Variants in ZGRF1 observed in about 807,000 individuals in gnomAD.
ZGRF1 encodes zinc finger GRF-type containing 1, also known as 5'-3' DNA helicase ZGRF1.
ZGRF1 carries 196 observed loss-of-function variants against 203.5 expected under a neutral mutation model. That is an observed-to-expected ratio of 0.96 (90% CI 0.86 to 1.08). The LOEUF (loss-of-function observed/expected upper bound fraction) is 1.08, where lower values mean the gene tolerates loss of function less well. Among genes scored for constraint, ZGRF1 ranks in the 50% least tolerant of loss-of-function variants. The pLI, the probability that ZGRF1 is intolerant of heterozygous loss-of-function variation, is 0.00. For missense variants in ZGRF1, 2,326 were observed against 2,416.3 expected, an observed-to-expected ratio of 0.96 and a Z score of 0.78; for synonymous variants, 809 against 841.3, an observed-to-expected ratio of 0.96 and a Z score of 0.66.
chr4:112,623,098 T>C (rs2047116449), intron 4 of ZGRF1, among the ~76,000 whole-genome samples: 1 of 152,208 alleles, frequency 6.6e-6, no homozygotes. Flanking sequence ...TGTGAGAACA[T>C]GTAATATTTG....
intron 13 of ZGRF1, 101 bp from the exon 14 acceptor site, chr4:112,585,826 A>G (rs1282777602): frequency 2.9e-6 from 2 of 694,028 alleles, no homozygotes; most frequent in Middle Eastern, 4.4e-4. Flanking sequence ...GCCTTTAAAC[A>G]GAGTCATATA....
In ZGRF1 at chr4:112,587,577, T is replaced by C. The variant is rs765005930; in HGVS notation, c.3480A>G (p.Pro1160=). 6.2e-7 allele frequency: 1 copy of C among 1,613,930 alleles called. No individual in the cohort carries two copies. Among genetic ancestry groups the C allele is most frequent in the Middle Eastern group, 1.6e-4 (1 of 6,062 alleles). ...CAGTTATTCTCTTATCAACTCTGTT[T>C]GGAGTAGCCACGTTGCATTGGGATG... is the stretch of plus-strand genomic sequence containing the variant. ...QNTSQCNVAT[P]NRVDKRITDG... is the part of the protein sequence containing the mutation. The change falls in exon 12 of 28, where the codon CCA becomes CCG. Residue 1160 remains proline, a synonymous_variant. Coordinates refer to ENST00000505019, the MANE Select transcript of ZGRF1 (RefSeq NM_018392.5).
intron 16 of ZGRF1, chr4:112,565,155 G>T: frequency 6.8e-7 from 1 of 1,467,224 alleles, no homozygotes; most frequent in Non-Finnish European, 9.6e-7. Context: ...GATGTTATCA[G>T]AAGTCCACTG....
intron 7 of ZGRF1, among the ~76,000 whole-genome samples, chr4:112,611,298 G>T (rs1315517767): frequency 6.6e-6 from 1 of 152,216 alleles, no homozygotes; most frequent in Non-Finnish European, 1.5e-5. Context: ...AGCTACTTGG[G>T]AGGCTGGGGC....
At chr4:112,594,017 A>C (rs1748591863) in intron 10 of ZGRF1, among the ~76,000 whole-genome samples, 1 of 152,114 alleles carries the variant, frequency 6.6e-6, no homozygotes, top group Non-Finnish European at 1.5e-5. Context: ...GGCCTCCCTT[A>C]GTGCTAAGAT....
intron 2 of ZGRF1, among the ~76,000 whole-genome samples, chr4:112,632,487 A>G (rs1309990059): frequency 6.6e-6 from 1 of 152,192 alleles, no homozygotes; most frequent in Admixed American, 6.5e-5. Flanking sequence ...AACTATTTTC[A>G]TGATGCTGTC....
rs1306780079 is a variant in ZGRF1 at position 112,631,968 on chromosome 4, G to A, written c.64C>T (p.Gln22Ter). 1 of 1,596,264 alleles carries A rather than the reference G, an allele frequency of 6.3e-7. No homozygotes were observed. Among genetic ancestry groups the A allele is most frequent in the Admixed American group, 1.7e-5 (1 of 58,254 alleles). ...TGAGTGATCTTCAGAATTCCATCTT[G>A]CCACACTTTTGACTTCTTCATCTTT... Reference protein sequence around the residue: ...HQKMKKSKVWQDGILKITHLG... With the variant: ...HQKMKKSKVW Residue 22 changes from glutamine (Q) to a stop codon, truncating the protein, a stop_gained, in exon 3 of 28, where the codon CAA becomes TAA. Coordinates refer to ENST00000505019, the MANE Select transcript of ZGRF1 (RefSeq NM_018392.5). LOFTEE classifies it high-confidence loss of function.
chr4:112,619,391 G>C lies in ZGRF1; in HGVS notation c.651C>G (p.Val217=). 1 of 1,613,200 alleles carries C rather than the reference G, an allele frequency of 6.2e-7. No homozygotes were observed. Among genetic ancestry groups the C allele is most frequent in the Non-Finnish European group, 8.5e-7 (1 of 1,179,462 alleles). ...LCEENYFCSP[V]NSGNKLSDSL... is the part of the protein sequence containing the mutation. Reference sequence around the variant, plus strand: ...AGTCTGAAAGCTTATTTCCAGAATTGACAGGTGAGCAAAAATAATTTTCTT... The same window carrying C: ...AGTCTGAAAGCTTATTTCCAGAATTCACAGGTGAGCAAAAATAATTTTCTT... Residue 217 remains valine (V), a synonymous_variant, in exon 6 of 28, where the codon GTC becomes GTG. Transcript: ENST00000505019.
chr4:112,623,306 T>C (rs1360164643), intron 4 of ZGRF1, among the ~76,000 whole-genome samples: 2 of 152,242 alleles, frequency 1.3e-5, no homozygotes, highest in Non-Finnish European at 2.9e-5. Context: ...TGAATAGTGC[T>C]ACAATGAACA....
At chr4:112,628,538 A>G in intron 3 of ZGRF1, 1 of 454,552 alleles carries the variant, frequency 2.2e-6, no homozygotes, top group South Asian at 1.6e-5. Context: ...GAAAAGGCAT[A>G]ACTAGCAAGA....
At chr4:112,590,860 G>A (rs1040343665) in intron 10 of ZGRF1, among the ~76,000 whole-genome samples, 2 of 150,884 alleles carry the variant, frequency 1.3e-5, no homozygotes, top group Non-Finnish European at 2.9e-5. Context: ...TGGGAGGCGA[G>A]GTTGCAGTGA....
chr4:112,561,911 CTTTTTTTTTTTT>C lies in ZGRF1; in HGVS notation c.4697+448_4697+459del, dbSNP rs11385405. ...AAAAATAATGCATAATTCCTTTTCT[CTTTTTTTTTTTT>C]TTTTTTTTTGAGATAGAGTTTCACT... On this transcript the variant is annotated intron_variant, in intron 18 of 27. Transcript: ENST00000505019. Among the ~76,000 whole-genome samples, 26 of 108,172 alleles carry C rather than the reference CTTTTTTTTTTTT, an allele frequency of 2.4e-4. No homozygotes were observed. In the East Asian group the frequency reaches 7.4e-3, roughly 31 times the overall value. 71.0% of individuals were successfully genotyped at this position (108,172 alleles called of 152,430 possible).
intron 3 of ZGRF1, among the ~76,000 whole-genome samples, chr4:112,625,019 TGTTAA>T (rs1320349030): frequency 6.6e-6 from 1 of 152,116 alleles, no homozygotes; most frequent in Admixed American, 6.5e-5. Context: ...CGGCTCATGG[TGTTAA>T]ACCCAGATAC....
Position 112,633,162 on chromosome 4 carries a change from T to C in ZGRF1, c.15A>G (p.Glu5=), listed in dbSNP as rs139007990. 12 of 1,609,840 alleles carry C rather than the reference T, an allele frequency of 7.5e-6. No homozygotes were observed. In the African/African-American group the frequency reaches 1.6e-4, roughly 22 times the overall value. ...GAAAAATGGTAAAACTTACAATAAA[T>C]TCTTGGCTTTCCATTATTTCTTCTG... MESQ[E]FIVLYTHQKM... The change falls in exon 2 of 28, where the codon GAA becomes GAG. Residue 5 remains glutamate, a synonymous_variant. Coordinates refer to ENST00000505019, the MANE Select transcript of ZGRF1 (RefSeq NM_018392.5).
intron 23 of ZGRF1, 69 bp from the exon 24 acceptor site, chr4:112,547,477 T>C: frequency 7.0e-7 from 1 of 1,427,610 alleles, no homozygotes; most frequent in Non-Finnish European, 9.5e-7. Flanking sequence ...TATTGCACTG[T>C]TTGCCAAAAT....
chr4:112,546,707 T>C (rs530615634), intron 24 of ZGRF1: 1 of 152,236 alleles, frequency 6.6e-6, no homozygotes, highest in Non-Finnish European at 1.5e-5. Flanking sequence ...ATGAATGCCA[T>C]TATCACATGA....
At chr4:112,623,581 C>A (rs1166339078) in intron 4 of ZGRF1, among the ~76,000 whole-genome samples, 3 of 152,082 alleles carry the variant, frequency 2.0e-5, no homozygotes, top group Non-Finnish European at 4.4e-5. Flanking sequence ...AGTTACTTAA[C>A]CTTTCTGCAC....
In ZGRF1 at chr4:112,553,968, G is replaced by A; in HGVS notation, c.5213C>T (p.Ser1738Leu). The change falls in exon 22 of 28, where the codon TCA (serine) becomes TTA (leucine). Residue 1738 changes from serine to leucine, a missense_variant. Transcript: ENST00000505019. The part of the protein sequence containing the change: ...PILPYSLHAG[S>L]ENESEQLKEL... Reference sequence around the variant, plus strand: ...TTTTAACTGTTCACTTTCATTTTCTGAGCCAGCATGCAAGCTAAAGAATTA... The same window carrying A: ...TTTTAACTGTTCACTTTCATTTTCTAAGCCAGCATGCAAGCTAAAGAATTA... 1 of 1,607,562 alleles carries A rather than the reference G, an allele frequency of 6.2e-7. No individual in the cohort carries two copies. Among genetic ancestry groups the A allele is most frequent in the East Asian group, 2.2e-5 (1 of 44,726 alleles).
At chr4:112,570,760 T>C (rs867990744) in intron 16 of ZGRF1, among the ~76,000 whole-genome samples, 45 of 151,818 alleles carry the variant, frequency 3.0e-4, no homozygotes, top group African/African-American at 1.0e-3. Context: ...AAAATCATAA[T>C]GGAAAACTTA....
Sources: allele counts gnomAD v4.1 joint callset (sites outside exome capture counted in the v4.1 genomes callset), GRCh38; gene constraint gnomAD v4.1.1; transcripts MANE v1.5; gene names NCBI Gene and HGNC (gene_info 2026-07-23, HGNC 2026-07-21).